REG4: variants seen among roughly 807,000 people sequenced by gnomAD.
REG4 encodes regenerating islet-derived protein 4.
A neutral mutation model predicts 22.3 loss-of-function variants in REG4; 16 were observed. The observed-to-expected ratio is 0.72, with a 90% CI of 0.49 to 1.09. The LOEUF (loss-of-function observed/expected upper bound fraction) is 1.09. Ranked by LOEUF, REG4 falls within the 50% of genes least tolerant of loss-of-function variation. The pLI, the probability that REG4 is intolerant of heterozygous loss-of-function variation, is 0.00. For synonymous variants in REG4, 71 were observed against 69.2 expected (o/e 1.03, Z -0.13); for missense variants, 214 against 193.9 (o/e 1.10, Z -0.61).
intron 2 of REG4, among the ~76,000 whole-genome samples, chr1:119,804,391 C>T (rs1654226184): frequency 6.6e-6 from 1 of 152,188 alleles, no homozygotes; most frequent in South Asian, 2.1e-4. Flanking sequence ...CCTATCCAGC[C>T]ACATCCTTCT....
chr1:119,807,835 G>A (rs140527518), intron 2 of REG4, among the ~76,000 whole-genome samples: 4 of 152,138 alleles, frequency 2.6e-5, no homozygotes, highest in African/African-American at 7.2e-5. Context: ...CTTCCAAACC[G>A]TCCTACCCTT....
At chr1:119,803,218 C>T in intron 2 of REG4, 53 bp from the exon 3 acceptor site, 1 of 1,482,790 alleles carries the variant, frequency 6.7e-7, no homozygotes, top group African/African-American at 1.4e-5. Flanking sequence ...ACAATCAATT[C>T]CCAGACTTGA....
chr1:119,799,031 A>G (rs985709057), intron 4 of REG4, among the ~76,000 whole-genome samples: 19 of 152,196 alleles, frequency 1.2e-4, no homozygotes, highest in African/African-American at 4.6e-4. Flanking sequence ...TAAAGGATGG[A>G]CACATACATA....
chr1:119,802,988 C>T (rs760418542), intron 3 of REG4, 80 bp downstream of exon 3: 2 of 1,596,164 alleles, frequency 1.3e-6, no homozygotes, highest in Admixed American at 1.8e-5. Context: ...GACACTTGAT[C>T]CTGAATCAAA....
At chr1:119,799,649 CG>C in intron 4 of REG4, 75 bp downstream of exon 4, 2 of 1,561,854 alleles carry the variant, frequency 1.3e-6, no homozygotes, top group Middle Eastern at 2.3e-4. Flanking sequence ...TGTTATAGGC[CG>C]GGAGGCCATT....
At chr1:119,805,712 CCT>C (rs1232302263) in intron 2 of REG4, among the ~76,000 whole-genome samples, 2 of 151,978 alleles carry the variant, frequency 1.3e-5, no homozygotes, top group Admixed American at 6.6e-5. Flanking sequence ...CCGTTCTCTC[CCT>C]GTCTTTGTAC....
chr1:119,798,574 G>A lies in REG4; in HGVS notation c.332C>T (p.Ala111Val). The A allele has an allele frequency of 6.2e-7, 1 of 1,614,126 alleles. No individual in the cohort carries two copies. The highest frequency in any genetic ancestry group is 8.5e-7 in the Non-Finnish European group (1 of 1,180,000). ...KRQQWQWIDG[A>V]MYLYRSWSGK... The stretch of plus-strand genomic sequence containing the variant: ...AGACCAGGATCTGTACAGATACATG[G>A]CCCCATCAATCCACTGCCACTGCTG... The change falls in exon 5 of 6, where the codon GCC (alanine) becomes GTC (valine). Residue 111 changes from alanine (A) to valine (V), a missense_variant. Transcript: ENST00000256585.
rs747842213 is a variant in REG4 at position 119,808,750 on chromosome 1, C to T, written c.20G>A (p.Arg7Gln). Residue 7 changes from arginine to glutamine, a missense_variant, in exon 2 of 6, where the codon CGG becomes CAG. By Grantham distance (43) the Arg-to-Gln change is conservative (BLOSUM62 1). Transcript: ENST00000256585. The stretch of plus-strand genomic sequence containing the variant: ...CAGGCAGCTCAGCAATAGGAGCAGC[C>T]GCATGCTTCTGGAAGCCATCTTCCT... MASRSM[R>Q]LLLLLSCLAK... 18 of 1,613,844 alleles carry T rather than the reference C, an allele frequency of 1.1e-5. No individual in the cohort carries two copies. The highest frequency in any genetic ancestry group is 1.0e-4 in the Admixed American group (6 of 60,010).
intron 2 of REG4, among the ~76,000 whole-genome samples, chr1:119,807,729 T>A (rs1285017545): frequency 6.6e-6 from 1 of 152,166 alleles, no homozygotes; most frequent in African/African-American, 2.4e-5. Flanking sequence ...CAAAGAGCCA[T>A]GAAAGACATA....
rs757257311 is a variant in REG4, at chr1:119,802,875, C to A, written c.165+193G>T. On this transcript the variant is annotated intron_variant, in intron 3 of 5. Transcript: ENST00000256585. ...AGCCCATCTAGGGTCTGGCATACAGCACCTGCTTCAGCAATGCTTACAGAA... is the reference window on the plus strand; with the variant it reads ...AGCCCATCTAGGGTCTGGCATACAGAACCTGCTTCAGCAATGCTTACAGAA... The A allele has an allele frequency of 2.6e-5, 40 of 1,551,002 alleles. 3 individuals carry two copies. In the South Asian group the frequency reaches 4.5e-4, roughly 18 times the overall value.
chr1:119,799,660 TC>T (rs1654039002), intron 4 of REG4, 64 bp downstream of exon 4: 2 of 1,582,846 alleles, frequency 1.3e-6, no homozygotes, highest in South Asian at 2.3e-5. Context: ...GGGAGGCCAT[TC>T]CCCAAAAAGA....
chr1:119,798,781 C>G (rs1340868429), intron 4 of REG4, among the ~76,000 whole-genome samples, 179 bp from the exon 5 acceptor site: 1 of 152,106 alleles, frequency 6.6e-6, no homozygotes, highest in Non-Finnish European at 1.5e-5. Context: ...GAAAACATTA[C>G]CAATATTACT....
chr1:119,808,602 T>G, intron 2 of REG4, 101 bp downstream of exon 2: 1 of 807,298 alleles, frequency 1.2e-6, no homozygotes, highest in Middle Eastern at 2.7e-4. Flanking sequence ...ACCTATTTCC[T>G]GCAGTTCCTA....
At chr1:119,803,274 T>C in intron 2 of REG4, 109 bp from the exon 3 acceptor site, 1 of 1,181,476 alleles carries the variant, frequency 8.5e-7, no homozygotes, top group Non-Finnish European at 1.1e-6. Flanking sequence ...AGTCCCTTCA[T>C]GAAGGGTCCT....
intron 2 of REG4, among the ~76,000 whole-genome samples, chr1:119,805,194 C>T (rs1014384399): frequency 2.0e-5 from 3 of 152,106 alleles, no homozygotes; most frequent in African/African-American, 4.8e-5. Context: ...TTGCACTTTA[C>T]GTAAAAATTG....
chr1:119,795,689 G>T lies in REG4; in HGVS notation c.410-1004C>A, dbSNP rs1571061110. On this transcript the variant is annotated intron_variant, in intron 5 of 5. Transcript: ENST00000256585. The stretch of plus-strand genomic sequence containing the variant: ...AACCCTGGGGAGAGGAGGGGGTGAG[G>T]TGTGCCCCTCCCACTCCTGGTTCTC... 2.6e-5 allele frequency among the ~76,000 whole-genome samples: 4 copies of T among 152,298 alleles called. No homozygotes were observed. The South Asian group carries it at 8.3e-4, about 32-fold the overall frequency.
In REG4 at chr1:119,807,504, A is replaced by G. The variant is rs954042875; in HGVS notation, c.67+1199T>C. Among the ~76,000 whole-genome samples the G allele has an allele frequency of 3.9e-5, 6 of 152,300 alleles. No individual in the cohort carries two copies. The South Asian group carries it at 6.2e-4, about 16-fold the overall frequency. On this transcript the variant is annotated intron_variant, in intron 2 of 5. Transcript: ENST00000256585. Reference sequence around the variant, plus strand: ...CAGGATATAGCTTGGGCAAATTTCAAGTTTCACTAAGTAGGTCTGAAGTCA... The same window carrying G: ...CAGGATATAGCTTGGGCAAATTTCAGGTTTCACTAAGTAGGTCTGAAGTCA...
chr1:119,795,679 AG>A, intron 5 of REG4, among the ~76,000 whole-genome samples: 1 of 152,072 alleles, frequency 6.6e-6, no homozygotes, highest in South Asian at 2.1e-4. Context: ...TGGGGAGAGG[AG>A]GGGGTGAGGT....
rs186245838 is a variant in REG4 at position 119,799,918 on chromosome 1, C to A, written c.166-56G>T. On this transcript the variant is annotated intron_variant, in intron 3 of 5. Coordinates refer to ENST00000256585, the MANE Select transcript of REG4 (RefSeq NM_032044.4). ...GCCTGCATGTTTAAAGCACAGCCCTCCCCTCAGAACGCTAGCGTGCCAAGA... is the reference window on the plus strand; with the variant it reads ...GCCTGCATGTTTAAAGCACAGCCCTACCCTCAGAACGCTAGCGTGCCAAGA... 7.5e-6 allele frequency: 12 copies of A among 1,595,440 alleles called. No homozygotes were observed. The African/African-American group carries it at 1.3e-4, about 18-fold the overall frequency.
Sources: gnomAD v4.1 joint callset for allele counts (sites outside exome capture counted in the v4.1 genomes callset) on GRCh38, gnomAD v4.1.1 for gene constraint, MANE v1.5 for transcripts, NCBI Gene and HGNC (gene_info 2026-07-23, HGNC 2026-07-21) for gene names.